TIMD4: variants seen among roughly 807,000 people sequenced by gnomAD.
TIMD4 encodes the protein T-cell immunoglobulin and mucin domain-containing protein 4.
TIMD4 carries 31 observed loss-of-function variants against 41.2 expected under a neutral mutation model. The observed-to-expected ratio is 0.75, with a 90% CI of 0.57 to 1.01. TIMD4 has a LOEUF of 1.01. Ranked by LOEUF, TIMD4 falls within the 50% of genes least tolerant of loss-of-function variation. TIMD4 has a pLI of 0.00. For synonymous variants in TIMD4, 204 were observed against 177.1 expected, an observed-to-expected ratio of 1.15 and a Z score of -1.21; for missense variants, 479 against 472.5, an observed-to-expected ratio of 1.01 and a Z score of -0.13.
At chr5:156,952,410 C>A (rs1318281351) in intron 2 of TIMD4, among the ~76,000 whole-genome samples, 1 of 152,120 alleles carries the variant, frequency 6.6e-6, no homozygotes, top group Non-Finnish European at 1.5e-5. Flanking sequence ...AGCTACAAGC[C>A]TCCATTTGAC....
intron 6 of TIMD4, among the ~76,000 whole-genome samples, chr5:156,923,783 C>T (rs1400394167): frequency 6.6e-6 from 1 of 151,590 alleles, no homozygotes; most frequent in Non-Finnish European, 1.5e-5. Flanking sequence ...TGGGCTCAAG[C>T]AATCCTCCTG....
At chr5:156,941,401 G>C (rs1759650651) in intron 5 of TIMD4, among the ~76,000 whole-genome samples, 1 of 152,152 alleles carries the variant, frequency 6.6e-6, no homozygotes, top group African/African-American at 2.4e-5. Flanking sequence ...AGCCCCTTAA[G>C]AACCTAGACC....
intron 1 of TIMD4, among the ~76,000 whole-genome samples, chr5:156,957,512 C>CAAAAAAAAAAAAAAAAAAAA (rs3068101): frequency 8.8e-6 from 1 of 113,856 alleles, no homozygotes; most frequent in Non-Finnish European, 1.8e-5. Flanking sequence ...GAGTCTATCT[C>CAAAAAAAAAAAAAAAAAAAA]AAAAAAAAAA....
intron 5 of TIMD4, among the ~76,000 whole-genome samples, chr5:156,930,362 G>C (rs558196068): frequency 6.6e-6 from 1 of 152,196 alleles, no homozygotes; most frequent in Non-Finnish European, 1.5e-5. Flanking sequence ...CAATGTGATG[G>C]AGGTTGGACA....
At chr5:156,951,906 G>C (rs1339421258) in intron 2 of TIMD4, 116 bp from the exon 3 acceptor site, 6 of 1,405,854 alleles carry the variant, frequency 4.3e-6, no homozygotes, top group Non-Finnish European at 5.9e-6. Context: ...CACTGGCCTG[G>C]ACGATTGTAA....
rs66842169 is a variant in TIMD4, at chr5:156,921,616, C to CAAAA, written c.1012+479_1012+482dup. ...CCTGGACAACAGAATGAGACTCTCT[C>CAAAA]AAAAAAAAAAAAAAAAAAAAAAAAA... On this transcript the variant is annotated intron_variant, in intron 7 of 8. Coordinates refer to ENST00000274532, the MANE Select transcript of TIMD4 (RefSeq NM_138379.3). 4.6e-3 allele frequency among the ~76,000 whole-genome samples: 216 copies of CAAAA among 47,152 alleles called. 2 individuals carry two copies. Among genetic ancestry groups the CAAAA allele is most frequent in the Non-Finnish European group, 6.1e-3 (152 of 24,826 alleles). 30.9% of individuals were successfully genotyped at this position (47,152 alleles called of 152,430 possible). A position where few individuals can be genotyped will look rare whatever the true frequency, so the allele number is the denominator to read the frequency against.
At chr5:156,945,678 G>GTTT (rs1759726647) in intron 5 of TIMD4, among the ~76,000 whole-genome samples, 1 of 152,118 alleles carries the variant, frequency 6.6e-6, no homozygotes, top group East Asian at 1.9e-4. Context: ...AAAAGCATGC[G>GTTT]TGTAATGTTT....
At chr5:156,922,314 G>C in intron 6 of TIMD4, 98 bp from the exon 7 acceptor site, 4 of 936,456 alleles carry the variant, frequency 4.3e-6, no homozygotes, top group Middle Eastern at 2.2e-4. Context: ...ACCACCAGCA[G>C]TTTCACTACA....
chr5:156,958,970 A>G (rs1016023744), intron 1 of TIMD4, among the ~76,000 whole-genome samples: 1 of 151,490 alleles, frequency 6.6e-6, no homozygotes, highest in Non-Finnish European at 1.5e-5. Context: ...TAAAATAAAT[A>G]AATAAAACAA....
intron 8 of TIMD4, among the ~76,000 whole-genome samples, chr5:156,920,125 C>T (rs564969830): frequency 4.6e-5 from 7 of 152,292 alleles, no homozygotes; most frequent in Middle Eastern, 3.4e-3. Flanking sequence ...TGCCAACGCT[C>T]CTCAATAAAC....
chr5:156,961,238 T>C (rs1303767026), intron 1 of TIMD4, among the ~76,000 whole-genome samples: 1 of 152,184 alleles, frequency 6.6e-6, no homozygotes, highest in Non-Finnish European at 1.5e-5. Context: ...CAAGCATTGC[T>C]GGCGAGGACG....
At position 156,926,311 on chromosome 5, in the gene TIMD4, T is replaced by C. The variant is rs1175097653; in HGVS notation, c.846A>G (p.Ala282=). ...SDSVSSPQPG[A]SDTAVPEQNK... is the part of the protein sequence containing the mutation. Reference sequence around the variant, plus strand: ...TCTGCTCAGGAACTGCTGTATCAGATGCTGGGAAGGAAAAGAGAAGAAAAT... The same window carrying C: ...TCTGCTCAGGAACTGCTGTATCAGACGCTGGGAAGGAAAAGAGAAGAAAAT... The change falls in exon 6 of 9, where the codon GCA becomes GCG. Residue 282 remains alanine, a splice_region_variant and synonymous_variant. Transcript: ENST00000274532. 2 of 1,613,534 alleles carry C rather than the reference T, an allele frequency of 1.2e-6. No individual in the cohort carries two copies. Among genetic ancestry groups the C allele is most frequent in the Admixed American group, 1.7e-5 (1 of 59,972 alleles).
At chr5:156,925,025 T>C (rs1759320455) in intron 6 of TIMD4, among the ~76,000 whole-genome samples, 2 of 152,006 alleles carry the variant, frequency 1.3e-5, no homozygotes, top group Non-Finnish European at 2.9e-5. Flanking sequence ...AGAGAGAATA[T>C]AGGCCAGGCA....
intron 5 of TIMD4, among the ~76,000 whole-genome samples, chr5:156,942,342 G>A (rs1332021246): frequency 2.0e-5 from 3 of 152,162 alleles, no homozygotes; most frequent in Admixed American, 6.5e-5. Flanking sequence ...AGGACCACTG[G>A]CCTCTTGCCT....
chr5:156,933,291 A>C (rs1759476484), intron 5 of TIMD4, among the ~76,000 whole-genome samples: 1 of 152,080 alleles, frequency 6.6e-6, no homozygotes, highest in East Asian at 1.9e-4. Flanking sequence ...CCAAGGTGGA[A>C]GGGTCGTTTG....
chr5:156,954,567 T>A lies in TIMD4; in HGVS notation c.248A>T (p.Lys83Ile), dbSNP rs867149071. The A allele has an allele frequency of 6.2e-7, 1 of 1,614,126 alleles. No homozygotes were observed. The highest frequency in any genetic ancestry group is 8.5e-7 in the Non-Finnish European group (1 of 1,180,060). The change falls in exon 2 of 9, where the codon AAA becomes ATA. Residue 83 changes from lysine (K) to isoleucine (I), a missense_variant. Physicochemically the swap from Lys to Ile is moderately radical, Grantham distance 102. Coordinates refer to ENST00000274532, the MANE Select transcript of TIMD4 (RefSeq NM_138379.3). ...GMRVTSRKSA[K>I]YRLQGTIPRG... ...CGGGATAGTCCCCTGAAGTCTATAT[T>A]TTGCTGACTTTCTTGAGGTCACCCT...
At chr5:156,946,325 A>G (rs938957862) in intron 5 of TIMD4, among the ~76,000 whole-genome samples, 17 of 152,072 alleles carry the variant, frequency 1.1e-4, no homozygotes, top group African/African-American at 4.1e-4. Context: ...TCAACTCCTA[A>G]TCCAGATTTT....
intron 5 of TIMD4, among the ~76,000 whole-genome samples, chr5:156,934,507 G>T (rs1198247845): frequency 6.6e-6 from 1 of 152,026 alleles, no homozygotes; most frequent in Non-Finnish European, 1.5e-5. Context: ...GACCAGGCTG[G>T]TCTCAAACTC....
chr5:156,962,607 G>A (rs530090972), intron 1 of TIMD4, among the ~76,000 whole-genome samples: 5 of 152,100 alleles, frequency 3.3e-5, no homozygotes, highest in Non-Finnish European at 5.9e-5. Flanking sequence ...AGAACACTTG[G>A]CTCTATACCA....
Sources: gnomAD v4.1 joint callset for allele counts (sites outside exome capture counted in the v4.1 genomes callset) on GRCh38, gnomAD v4.1.1 for gene constraint, MANE v1.5 for transcripts, NCBI Gene and HGNC (gene_info 2026-07-23, HGNC 2026-07-21) for gene names.